UST: variants seen among roughly 807,000 people sequenced by gnomAD.
The protein encoded by UST is uronyl 2-sulfotransferase.
In UST, 21 loss-of-function variants were observed where a neutral mutation model predicts 45.6. The observed-to-expected ratio is 0.46, with a 90% CI of 0.33 to 0.66. UST has a LOEUF of 0.66. Among genes scored for constraint, UST ranks in the 30% least tolerant of loss-of-function variants. UST has a pLI of 0.02. For synonymous variants in UST, 215 were observed against 200.6 expected, an observed-to-expected ratio of 1.07 and a Z score of -0.61; for missense variants, 463 against 512.4, an observed-to-expected ratio of 0.90 and a Z score of 0.93.
chr6:148,836,571 A>G (rs760229659), intron 1 of UST, among the ~76,000 whole-genome samples: 2 of 152,220 alleles, frequency 1.3e-5, no homozygotes, highest in African/African-American at 2.4e-5. Context: ...TTCTTGGTAC[A>G]GGGATTGGAT....
At chr6:148,876,872 AGG>A (rs1463668177) in intron 1 of UST, among the ~76,000 whole-genome samples, 1 of 149,922 alleles carries the variant, frequency 6.7e-6, no homozygotes, top group Admixed American at 6.7e-5. Flanking sequence ...GCCTGGAAAG[AGG>A]GGGTGCGTTT....
chr6:148,886,004 C>G (rs1443708451), intron 1 of UST, among the ~76,000 whole-genome samples: 1 of 152,178 alleles, frequency 6.6e-6, no homozygotes, highest in African/African-American at 2.4e-5. Context: ...AAGAGTTACC[C>G]CTCTTGGATA....
intron 5 of UST, among the ~76,000 whole-genome samples, chr6:148,995,566 T>A (rs937129131): frequency 1.3e-5 from 2 of 152,246 alleles, no homozygotes; most frequent in Non-Finnish European, 2.9e-5. Context: ...GGTTATAAAA[T>A]CTTATTTTGA....
intron 1 of UST, among the ~76,000 whole-genome samples, chr6:148,853,986 A>G (rs17078981): frequency 0.036 from 5,537 of 152,342 alleles, 140 homozygotes; most frequent in South Asian, 0.11. Flanking sequence ...TTTGCATCAT[A>G]TAACAAAGTT....
At chr6:149,061,680 C>T (rs1176548967) in intron 7 of UST, among the ~76,000 whole-genome samples, 1 of 152,184 alleles carries the variant, frequency 6.6e-6, no homozygotes, top group Non-Finnish European at 1.5e-5. Flanking sequence ...TCCAAGGTCC[C>T]AGTAGAACTT....
intron 3 of UST, among the ~76,000 whole-genome samples, chr6:148,945,178 A>G (rs1780211836): frequency 6.6e-6 from 1 of 152,196 alleles, no homozygotes; most frequent in Non-Finnish European, 1.5e-5. Context: ...GTTTTTCTTC[A>G]TTGTTTCATT....
intron 5 of UST, among the ~76,000 whole-genome samples, chr6:149,007,273 C>A (rs1177628343): frequency 6.7e-6 from 1 of 148,876 alleles, no homozygotes; most frequent in African/African-American, 2.5e-5. Context: ...GTGCACACCA[C>A]CACACCCGAC....
chr6:148,898,688 CA>C (rs774932293), intron 2 of UST, among the ~76,000 whole-genome samples: 1 of 152,184 alleles, frequency 6.6e-6, no homozygotes, highest in East Asian at 1.9e-4. Flanking sequence ...GCACATCTTT[CA>C]TTTTTCTAAT....
chr6:148,984,174 A>G (rs1003104809), intron 5 of UST, among the ~76,000 whole-genome samples: 1 of 152,254 alleles, frequency 6.6e-6, no homozygotes, highest in African/African-American at 2.4e-5. Flanking sequence ...CAACAAATGC[A>G]CAGCACCTAC....
intron 1 of UST, among the ~76,000 whole-genome samples, chr6:148,862,122 G>A (rs1255953691): frequency 3.3e-5 from 5 of 152,178 alleles, no homozygotes. Context: ...TTATTATTGT[G>A]TGGGAGTCTA....
At position 148,809,375 on chromosome 6, in the gene UST, A is replaced by G. The variant is rs555922589; in HGVS notation, c.247+61698A>G. On this transcript the variant is annotated intron_variant, in intron 1 of 7. Coordinates refer to ENST00000367463, the MANE Select transcript of UST (RefSeq NM_005715.3). ...TTGCTGCCACCTCTTTCTCCCATAC[A>G]CTGTCAAAGCTGAAACAGTGCTTGT... 6.0e-5 allele frequency among the ~76,000 whole-genome samples: 9 copies of G among 149,990 alleles called. No homozygotes were observed. In the South Asian group the frequency reaches 1.7e-3, roughly 28 times the overall value.
At chr6:148,935,943 G>A (rs6913647) in intron 2 of UST, among the ~76,000 whole-genome samples, 68,520 of 151,934 alleles carry the variant, frequency 0.45, 16,038 homozygotes, top group Middle Eastern at 0.58. Context: ...GGTTGTGATC[G>A]CCGACTGTTG....
At chr6:148,883,312 A>AGTGT (rs1778857152) in intron 1 of UST, among the ~76,000 whole-genome samples, 1 of 152,224 alleles carries the variant, frequency 6.6e-6, no homozygotes, top group Non-Finnish European at 1.5e-5. Context: ...TCTAGAAGGA[A>AGTGT]GTGTGAGATG....
intron 1 of UST, among the ~76,000 whole-genome samples, chr6:148,883,031 G>A (rs1043621614): frequency 4.6e-5 from 7 of 152,212 alleles, no homozygotes; most frequent in Admixed American, 6.5e-5. Flanking sequence ...TTTGTCATGC[G>A]TATCCGCGCA....
chr6:149,000,735 T>G (rs1197268000), intron 5 of UST, among the ~76,000 whole-genome samples: 1 of 151,800 alleles, frequency 6.6e-6, no homozygotes, highest in East Asian at 1.9e-4. Context: ...AGCAGAAAAT[T>G]GTAAGAGAGA....
At chr6:148,981,527 CT>C (rs1447955045) in intron 5 of UST, among the ~76,000 whole-genome samples, 1 of 152,218 alleles carries the variant, frequency 6.6e-6, no homozygotes, top group Non-Finnish European at 1.5e-5. Context: ...CTCCGTGGAG[CT>C]TATTGCATAG....
intron 1 of UST, among the ~76,000 whole-genome samples, chr6:148,872,651 A>C (rs1381559166): frequency 6.6e-6 from 1 of 152,208 alleles, no homozygotes; most frequent in Non-Finnish European, 1.5e-5. Flanking sequence ...CTTACAGTTC[A>C]TCTGAACTGG....
chr6:148,808,198 C>A (rs1384153621), intron 1 of UST, among the ~76,000 whole-genome samples: 1 of 152,140 alleles, frequency 6.6e-6, no homozygotes, highest in African/African-American at 2.4e-5. Flanking sequence ...AAAGGGTGCT[C>A]CAGGCAGGCC....
At chr6:149,024,586 C>A (rs1006713557) in intron 7 of UST, among the ~76,000 whole-genome samples, 2 of 152,160 alleles carry the variant, frequency 1.3e-5, no homozygotes, top group African/African-American at 4.8e-5. Flanking sequence ...TATATTTTAG[C>A]CTCAGGGAAG....
Sources: gnomAD v4.1 joint callset for allele counts (sites outside exome capture counted in the v4.1 genomes callset) on GRCh38, gnomAD v4.1.1 for gene constraint, MANE v1.5 for transcripts, NCBI Gene and HGNC (gene_info 2026-07-23, HGNC 2026-07-21) for gene names.